Variants in SSBP3 observed in about 807,000 individuals in gnomAD.
The protein encoded by SSBP3 is single stranded DNA binding protein 3.
Under a neutral mutation model 69.6 loss-of-function variants are expected in SSBP3, and 5 were observed. The ratio of observed to expected loss-of-function variants is 0.07; its 90% CI spans 0.04 to 0.15. The LOEUF is 0.15. Ranked by LOEUF, SSBP3 falls within the 10% of genes least tolerant of loss-of-function variation. The pLI is 1.00. For missense variants in SSBP3, 312 were observed against 534.0 expected, an observed-to-expected ratio of 0.58 and a Z score of 4.10; for synonymous variants, 196 against 193.4, an observed-to-expected ratio of 1.01 and a Z score of -0.11.
chr1:54,381,250 G>T (rs1333708937), intron 4 of SSBP3, among the ~76,000 whole-genome samples: 2 of 151,966 alleles, frequency 1.3e-5, no homozygotes, highest in Non-Finnish European at 2.9e-5. Flanking sequence ...GGGCGTGGTG[G>T]CGTGCGCCTG....
rs776985241 is a variant in SSBP3 at position 54,239,184 on chromosome 1, C to G, written c.872G>C (p.Ser291Thr). Residue 291 changes from serine to threonine, a missense_variant, in exon 14 of 18, where the codon AGT (serine) becomes ACT (threonine). Around this residue, in one of 4 missense-constraint regions of SSBP3, gnomAD observed 84 missense variants for 90.4 expected, o/e 0.93. Coordinates refer to ENST00000610401, the Ensembl canonical transcript of SSBP3. Reference sequence around the variant, plus strand: ...ATTAATCATTGTGTAGATGTTGTCACTGGAATTTGTTGAATCTGTAGAACA... The same window carrying G: ...ATTAATCATTGTGTAGATGTTGTCAGTGGAATTTGTTGAATCTGTAGAACA... 4 of 1,612,690 alleles carry G rather than the reference C, an allele frequency of 2.5e-6. No homozygotes were observed. In the South Asian group the frequency reaches 3.3e-5, roughly 13 times the overall value.
chr1:54,406,650 C>A (rs927216133), upstream of SSBP3, among the ~76,000 whole-genome samples: 7 of 151,938 alleles, frequency 4.6e-5, no homozygotes, highest in African/African-American at 1.4e-4. Context: ...CGGTGGGCGA[C>A]GTGGATCGGG....
chr1:54,263,513 C>CG (rs1256906700), intron 5 of SSBP3, among the ~76,000 whole-genome samples: 1 of 152,230 alleles, frequency 6.6e-6, no homozygotes, highest in Non-Finnish European at 1.5e-5. Flanking sequence ...GTGAGGCACA[C>CG]GGGGTCCCCA....
chr1:54,385,343 A>G (rs1386247333), intron 4 of SSBP3, among the ~76,000 whole-genome samples: 1 of 152,162 alleles, frequency 6.6e-6, no homozygotes, highest in Non-Finnish European at 1.5e-5. Context: ...CCCCACCAAA[A>G]ACAGACTTCA....
chr1:54,410,631 CG>C, upstream of SSBP3, among the ~76,000 whole-genome samples: 1 of 152,312 alleles, frequency 6.6e-6, no homozygotes, highest in African/African-American at 2.4e-5. Context: ...CCTGAGGGAT[CG>C]GGGGCCTCCA....
intron 4 of SSBP3, among the ~76,000 whole-genome samples, chr1:54,339,863 G>A (rs2100514187): frequency 6.6e-6 from 1 of 152,268 alleles, no homozygotes; most frequent in South Asian, 2.1e-4. Context: ...GCAGTGAGCT[G>A]AGATCGTGCC....
At chr1:54,358,709 G>C (rs1035347897) in intron 4 of SSBP3, among the ~76,000 whole-genome samples, 4 of 152,210 alleles carry the variant, frequency 2.6e-5, no homozygotes, top group African/African-American at 2.4e-5. Context: ...GACGATGGAT[G>C]CAAGAGAGGA....
intron 4 of SSBP3, among the ~76,000 whole-genome samples, chr1:54,305,093 G>A (rs529520663): frequency 6.6e-6 from 1 of 152,330 alleles, no homozygotes; most frequent in African/African-American, 2.4e-5. Flanking sequence ...GGCGGGAGGC[G>A]TGGCGTGGGA....
intron 9 of SSBP3, among the ~76,000 whole-genome samples, chr1:54,243,526 C>T (rs978627242): frequency 1.3e-5 from 2 of 152,192 alleles, no homozygotes; most frequent in Admixed American, 1.3e-4. Flanking sequence ...AGTGCATTTT[C>T]AGGAGCTTTC....
At chr1:54,262,520 G>A (rs1300850666) in intron 5 of SSBP3, among the ~76,000 whole-genome samples, 4 of 152,202 alleles carry the variant, frequency 2.6e-5, no homozygotes, top group Non-Finnish European at 5.9e-5. Context: ...CCCATGCTGG[G>A]GTCTGGAGGC....
intron 4 of SSBP3, among the ~76,000 whole-genome samples, chr1:54,372,901 C>G (rs1647157868): frequency 6.6e-6 from 1 of 152,230 alleles, no homozygotes; most frequent in African/African-American, 2.4e-5. Flanking sequence ...TCCAGCAGAC[C>G]CTATGCCTAG....
intron 5 of SSBP3, among the ~76,000 whole-genome samples, chr1:54,260,658 G>A (rs976725048): frequency 3.3e-5 from 5 of 152,222 alleles, no homozygotes; most frequent in Non-Finnish European, 5.9e-5. Flanking sequence ...TGCTCTTGGC[G>A]CAGCTGCCTC....
chr1:54,329,883 G>A (rs1215259329), intron 4 of SSBP3, among the ~76,000 whole-genome samples: 1 of 152,158 alleles, frequency 6.6e-6, no homozygotes, highest in South Asian at 2.1e-4. Flanking sequence ...AGTACGGAGG[G>A]GAGAGGAACA....
At chr1:54,376,313 C>T (rs150060280) in intron 4 of SSBP3, among the ~76,000 whole-genome samples, 365 of 152,286 alleles carry the variant, frequency 2.4e-3, no homozygotes, top group African/African-American at 8.2e-3. Flanking sequence ...TTAGTCCACA[C>T]AATTCCACTT....
At chr1:54,402,016 T>C in intron 3 of SSBP3, 71 bp from the exon 4 acceptor site, 5 of 1,337,450 alleles carry the variant, frequency 3.7e-6, no homozygotes, top group South Asian at 2.4e-5. Flanking sequence ...AAGTGCACGA[T>C]GCATGGCGCT....
At chr1:54,404,808 T>TAG (rs760237753) in intron 2 of SSBP3, 50 bp downstream of exon 2, 4 of 631,354 alleles carry the variant, frequency 6.3e-6, no homozygotes, top group Non-Finnish European at 1.0e-5. Context: ...CTAAGAATAG[T>TAG]GGGGGGGGGG....
intron 5 of SSBP3, among the ~76,000 whole-genome samples, chr1:54,272,488 TA>T (rs1170938104): frequency 3.1e-3 from 461 of 147,958 alleles, no homozygotes; most frequent in African/African-American, 6.9e-3. Flanking sequence ...ACCTTTTTTT[TA>T]AAAAAAAAAA....
chr1:54,362,364 G>C (rs1362820022), intron 4 of SSBP3, among the ~76,000 whole-genome samples: 2 of 152,130 alleles, frequency 1.3e-5, no homozygotes, highest in African/African-American at 4.8e-5. Flanking sequence ...CAGTCCCCAG[G>C]GTCTCTCTCT....
At chr1:54,350,671 G>A (rs2100576224) in intron 4 of SSBP3, among the ~76,000 whole-genome samples, 1 of 152,288 alleles carries the variant, frequency 6.6e-6, no homozygotes, top group South Asian at 2.1e-4. Flanking sequence ...GCTTGGGTCT[G>A]AATGTCTCAG....
Sources: gnomAD v4.1 joint callset for allele counts (sites outside exome capture counted in the v4.1 genomes callset) on GRCh38, gnomAD v4.1.1 for gene constraint, gnomAD v4.1.1 regional missense constraint, MANE v1.5 for transcripts, NCBI Gene and HGNC (gene_info 2026-07-23, HGNC 2026-07-21) for gene names.